The following ABR variants were observed in gnomAD, a reference collection of about 807,000 sequenced individuals.
ABR encodes ABR activator of RhoGEF and GTPase, also known as active breakpoint cluster region-related protein.
In ABR, 35 loss-of-function variants were observed where a neutral mutation model predicts 107.2. The ratio of observed to expected loss-of-function variants is 0.33; its 90% CI spans 0.25 to 0.43. The LOEUF (loss-of-function observed/expected upper bound fraction) is 0.43. Among genes scored for constraint, ABR ranks in the 20% least tolerant of loss-of-function variants. The pLI, the probability that ABR is intolerant of heterozygous loss-of-function variation, is 1.00. For synonymous variants in ABR, 498 were observed against 462.0 expected, an observed-to-expected ratio of 1.08 and a Z score of -1.00; for missense variants, 815 against 1,115.2, an observed-to-expected ratio of 0.73 and a Z score of 3.83.
intron 3 of ABR, among the ~76,000 whole-genome samples, chr17:1,094,314 T>C (rs1192037485): frequency 2.0e-5 from 3 of 151,968 alleles, no homozygotes; most frequent in Non-Finnish European, 4.4e-5. Context: ...AATACAGCCA[T>C]GCGCTACCTA....
rs1349422971 is a variant in ABR at position 1,167,276 on chromosome 17, C to T, written c.61+12391G>A. On this transcript the variant is annotated intron_variant, in intron 1 of 22. Coordinates refer to ENST00000302538, the MANE Select transcript of ABR (RefSeq NM_021962.5). Reference sequence around the variant, plus strand: ...GGATCCTCCCTGCTCCAGGACTCTCCGGGGCATCCCCAGTGCTGGATCCAG... The same window carrying T: ...GGATCCTCCCTGCTCCAGGACTCTCTGGGGCATCCCCAGTGCTGGATCCAG... Among the ~76,000 whole-genome samples, 4 of 152,056 alleles carry T rather than the reference C, an allele frequency of 2.6e-5. No individual in the cohort carries two copies. The South Asian group carries it at 6.2e-4, about 24-fold the overall frequency.
rs147858840 is a variant in ABR, at chr17:1,004,647, G to A, written c.*1433C>T. On this transcript the variant is annotated 3_prime_UTR_variant, in exon 23 of 23. Transcript: ENST00000302538. ...ACACACCTCACTCCTTCCTAGTACC[G>A]GGCAATGCGTCTGCAAGTCGGGTCC... The A allele has an allele frequency of 3.2e-4, 56 of 173,366 alleles. No homozygotes were observed. The highest frequency in any genetic ancestry group is 4.8e-3 in the Middle Eastern group (2 of 420). 10.7% of individuals were successfully genotyped at this position (173,366 alleles called of 1,614,324 possible). A position where few individuals can be genotyped will look rare whatever the true frequency, so the allele number is the denominator to read the frequency against.
At chr17:1,180,836 G>A (rs1324676578), upstream of ABR, among the ~76,000 whole-genome samples, 1 of 152,226 alleles carries the variant, frequency 6.6e-6, no homozygotes, top group East Asian at 1.9e-4. Flanking sequence ...GGCTGATTCT[G>A]TGGGAGCCAT....
chr17:1,074,379 G>A (rs936495668), intron 6 of ABR, among the ~76,000 whole-genome samples: 14 of 147,998 alleles, frequency 9.5e-5, no homozygotes, highest in African/African-American at 2.8e-4. Flanking sequence ...GCCACGCCCC[G>A]CAGAGTCCAG....
intron 14 of ABR, chr17:1,055,817 G>A (rs1057261026): frequency 3.4e-5 from 18 of 526,490 alleles, no homozygotes; most frequent in Non-Finnish European, 4.5e-5. Flanking sequence ...GTGAGCCACC[G>A]CGCCCGGCCC....
In ABR at chr17:1,084,475, G is replaced by A. The variant is rs2036466169; in HGVS notation, c.532-848C>T. ...CTTCCACCTCCTCTACCTCCAAGGA[G>A]CCAAAGCCCCAGCCTCACTACACGT... On this transcript the variant is annotated intron_variant, in intron 4 of 22. Transcript: ENST00000302538. The surrounding 1 kb of genome is among the most constrained non-coding windows in gnomAD (Gnocchi z 4.2). Among the ~76,000 whole-genome samples, 1 of 152,184 alleles carries A rather than the reference G, an allele frequency of 6.6e-6. No individual in the cohort carries two copies. Among genetic ancestry groups the A allele is most frequent in the African/African-American group, 2.4e-5 (1 of 41,440 alleles).
chr17:1,143,254 T>C (rs1403878900), intron 1 of ABR, among the ~76,000 whole-genome samples: 1 of 14,972 alleles, frequency 6.7e-5, no homozygotes, highest in African/African-American at 3.6e-4. Flanking sequence ...GGACAGCTCA[T>C]TCCTGGGGGA....
Position 1,122,934 on chromosome 17 carries a change from G to T in ABR, c.246+2249C>A, listed in dbSNP as rs544962820. Among the ~76,000 whole-genome samples, 16 of 152,270 alleles carry T rather than the reference G, an allele frequency of 1.1e-4. No individual in the cohort carries two copies. In the South Asian group the frequency reaches 3.3e-3, roughly 32 times the overall value. On this transcript the variant is annotated intron_variant, in intron 2 of 22. Coordinates refer to ENST00000302538, the MANE Select transcript of ABR (RefSeq NM_021962.5). ...ATATCTACAACAATTGTCTGATTTG[G>T]TCCAGAAGTCCCCCCTGTTCCCAAG...
chr17:1,194,396 C>G (rs886094297), intron 1 of ABR, among the ~76,000 whole-genome samples: 24 of 151,548 alleles, frequency 1.6e-4, no homozygotes, highest in African/African-American at 5.3e-4. Context: ...AGGGGTTTCA[C>G]CATGTTGGCC....
At chr17:1,024,047 A>AAAAAAAAAC (rs1567596966) in intron 16 of ABR, among the ~76,000 whole-genome samples, 2 of 149,724 alleles carry the variant, frequency 1.3e-5, no homozygotes, top group Admixed American at 6.7e-5. Flanking sequence ...AAAAAAAAAA[A>AAAAAAAAAC]AAGCAGCATC....
At chr17:1,199,496 G>GC (rs78872807) in intron 1 of ABR, among the ~76,000 whole-genome samples, 2,046 of 31,274 alleles carry the variant, frequency 0.065, 119 homozygotes, top group East Asian at 0.16. Flanking sequence ...GGATATTTTT[G>GC]GGGGTGGAAG....
chr17:1,136,091 T>C (rs768025065), intron 1 of ABR, among the ~76,000 whole-genome samples: 7 of 152,192 alleles, frequency 4.6e-5, no homozygotes, highest in Non-Finnish European at 4.4e-5. Context: ...AGAGTCAGCC[T>C]GTCCTTCTGT....
At chr17:1,174,294 C>CA (rs1372901821) in intron 1 of ABR, among the ~76,000 whole-genome samples, 15 of 152,160 alleles carry the variant, frequency 9.9e-5, no homozygotes, top group Admixed American at 2.0e-4. Flanking sequence ...CCGGTGTTGA[C>CA]AAAAAGGAAT....
chr17:1,024,024 CAAAAAA>C (rs11334940), intron 16 of ABR, among the ~76,000 whole-genome samples: 65 of 47,678 alleles, frequency 1.4e-3, no homozygotes, highest in African/African-American at 4.5e-3. Context: ...GACTCCATCT[CAAAAAA>C]AAAAAAAAAA....
chr17:1,143,397 G>A (rs1555602388), intron 1 of ABR, among the ~76,000 whole-genome samples: 23 of 9,608 alleles, frequency 2.4e-3, no homozygotes, highest in Admixed American at 5.1e-3. Context: ...GGGACAGCTC[G>A]CTCCTGGGGG....
chr17:1,159,397 GGA>G (rs1219810433), intron 1 of ABR, among the ~76,000 whole-genome samples: 2 of 71,734 alleles, frequency 2.8e-5, no homozygotes, highest in Non-Finnish European at 5.7e-5. Flanking sequence ...CTCACACACG[GGA>G]GAAGTAGGAA....
intron 2 of ABR, among the ~76,000 whole-genome samples, chr17:1,110,064 C>T (rs1218412276): frequency 4.0e-5 from 6 of 150,946 alleles, no homozygotes; most frequent in Non-Finnish European, 7.4e-5. Flanking sequence ...AGCAGCCCCC[C>T]CAGCCACCCC....
chr17:1,111,950 C>G (rs142953387), intron 2 of ABR, among the ~76,000 whole-genome samples: 1 of 152,244 alleles, frequency 6.6e-6, no homozygotes, highest in South Asian at 2.1e-4. Context: ...TCTGAAACAG[C>G]TTCCCCTTCC....
intron 1 of ABR, among the ~76,000 whole-genome samples, chr17:1,203,996 G>C (rs576089026): frequency 3.6e-4 from 55 of 152,292 alleles, no homozygotes; most frequent in African/African-American, 1.3e-3. Flanking sequence ...CTGGAGCCGA[G>C]GGGAGGGCAC....
Sources: allele counts gnomAD v4.1 joint callset (sites outside exome capture counted in the v4.1 genomes callset), GRCh38; gene constraint gnomAD v4.1.1; non-coding constraint Gnocchi (gnomAD v3.1); transcripts MANE v1.5; gene names NCBI Gene and HGNC (gene_info 2026-07-23, HGNC 2026-07-21).